KCNIP4: variants seen among roughly 807,000 people sequenced by gnomAD.
The protein encoded by KCNIP4 is potassium voltage-gated channel interacting protein 4, also known as Kv channel-interacting protein 4.
KCNIP4 carries 12 observed loss-of-function variants against 34.0 expected under a neutral mutation model. The ratio of observed to expected loss-of-function variants is 0.35; its 90% confidence interval spans 0.23 to 0.57. KCNIP4 has a LOEUF of 0.57. Among genes scored for constraint, KCNIP4 ranks in the 20% least tolerant of loss-of-function variants. The pLI is 0.83. For missense variants in KCNIP4, 238 were observed against 311.7 expected, an observed-to-expected ratio of 0.76 and a Z score of 1.78; for synonymous variants, 124 against 102.2, an observed-to-expected ratio of 1.21 and a Z score of -1.29.
intron 1 of KCNIP4, among the ~76,000 whole-genome samples, chr4:21,678,797 A>T (rs942393756): frequency 3.3e-5 from 5 of 152,172 alleles, no homozygotes; most frequent in African/African-American, 1.2e-4. Context: ...CCACACTGTT[A>T]TGGACGGAAT....
At chr4:21,558,493 A>AAAATAAATAAATAAATAAAT (rs138894931) in intron 1 of KCNIP4, among the ~76,000 whole-genome samples, 1,507 of 149,080 alleles carry the variant, frequency 0.01, 18 homozygotes, top group Middle Eastern at 0.021. Flanking sequence ...TTCTGTCTCA[A>AAAATAAATAAATAAATAAAT]AAATAAATAA....
At chr4:21,335,639 T>A (rs1341515923) in intron 1 of KCNIP4, among the ~76,000 whole-genome samples, 1 of 152,196 alleles carries the variant, frequency 6.6e-6, no homozygotes, top group African/African-American at 2.4e-5. Context: ...ATTGTTTTAA[T>A]AAACATTTAA....
intron 1 of KCNIP4, among the ~76,000 whole-genome samples, chr4:21,046,622 G>A (rs377140126): frequency 4.6e-4 from 35 of 76,068 alleles, no homozygotes; most frequent in African/African-American, 1.1e-3. Context: ...ATGGAGTTTC[G>A]CTCTTGTTGC....
At chr4:20,967,071 C>T (rs1734423239) in intron 1 of KCNIP4, among the ~76,000 whole-genome samples, 1 of 152,148 alleles carries the variant, frequency 6.6e-6, no homozygotes, top group Admixed American at 6.5e-5. Flanking sequence ...GCTTCTACAA[C>T]TAAGTTCTAG....
intron 1 of KCNIP4, among the ~76,000 whole-genome samples, chr4:21,018,318 T>G (rs1159390435): frequency 6.6e-6 from 1 of 152,224 alleles, no homozygotes; most frequent in Non-Finnish European, 1.5e-5. Flanking sequence ...ATGGTATATA[T>G]TATCTTCCCT....
rs1752648430 is a variant in KCNIP4, at chr4:21,150,008, T to C, written c.62-267299A>G. Among the ~76,000 whole-genome samples the C allele has an allele frequency of 2.0e-5, 3 of 152,304 alleles. No individual in the cohort carries two copies. The South Asian group carries it at 6.2e-4, about 32-fold the overall frequency. On this transcript the variant is annotated intron_variant, in intron 1 of 8. Coordinates refer to ENST00000382152, the MANE Select transcript of KCNIP4 (RefSeq NM_025221.6). ...TGCATTTGTAGTGTTTTGTTTTTATTTGTGGAAATACAAGTTCTATATCTG... is the reference window on the plus strand; with the variant it reads ...TGCATTTGTAGTGTTTTGTTTTTATCTGTGGAAATACAAGTTCTATATCTG...
intron 1 of KCNIP4, among the ~76,000 whole-genome samples, chr4:21,714,786 A>AT (rs72180375): frequency 2.2e-5 from 1 of 46,250 alleles, no homozygotes; most frequent in African/African-American, 1.3e-4. Context: ...TTTCCCTTTG[A>AT]TTATTTTATT....
chr4:21,587,357 C>G (rs1386044974), intron 1 of KCNIP4, among the ~76,000 whole-genome samples: 1 of 151,936 alleles, frequency 6.6e-6, no homozygotes, highest in Admixed American at 6.6e-5. Flanking sequence ...ATAAAAACAC[C>G]ACATAAACCA....
intron 1 of KCNIP4, among the ~76,000 whole-genome samples, chr4:21,470,140 C>T (rs1213747958): frequency 6.6e-6 from 1 of 152,148 alleles, no homozygotes; most frequent in Non-Finnish European, 1.5e-5. Flanking sequence ...GAGCCAGGGC[C>T]TTGACATCGG....
rs527765548 is a variant in KCNIP4, at chr4:21,265,102, T to A, written c.62-382393A>T. Among the ~76,000 whole-genome samples the A allele has an allele frequency of 1.7e-3, 228 of 135,338 alleles. 1 individual carries two copies. Among genetic ancestry groups the A allele is most frequent in the Non-Finnish European group, 2.7e-3 (167 of 61,496 alleles). 88.8% of individuals were successfully genotyped at this position (135,338 alleles called of 152,430 possible). A position where few individuals can be genotyped will look rare whatever the true frequency, so the allele number is the denominator to read the frequency against. ...TGACAGAGCGAGACTCTGCCTCAAA[T>A]AATAATAATAATAATAATAACAACA... On this transcript the variant is annotated intron_variant, in intron 1 of 8. Transcript: ENST00000382152.
chr4:21,624,384 AC>A (rs1745187271), intron 1 of KCNIP4, among the ~76,000 whole-genome samples: 1 of 152,176 alleles, frequency 6.6e-6, no homozygotes, highest in African/African-American at 2.4e-5. Context: ...ATATATTTAT[AC>A]ACTAAGTGAA....
chr4:21,644,288 G>C (rs989731413), intron 1 of KCNIP4, among the ~76,000 whole-genome samples: 2 of 152,040 alleles, frequency 1.3e-5, no homozygotes, highest in African/African-American at 4.8e-5. Context: ...TGGAGGAAAA[G>C]GGTTGGAGAA....
intron 1 of KCNIP4, among the ~76,000 whole-genome samples, chr4:21,031,801 G>A (rs1413787496): frequency 2.6e-5 from 4 of 151,692 alleles, no homozygotes; most frequent in African/African-American, 9.7e-5. Context: ...ACTCTACATC[G>A]CTAGCTTTTT....
chr4:21,926,536 G>T (rs1729255138), intron 1 of KCNIP4, among the ~76,000 whole-genome samples: 1 of 152,156 alleles, frequency 6.6e-6, no homozygotes. Context: ...GGCCTTGTGT[G>T]CCAGTCTCCA....
chr4:21,587,544 AAACAACAAC>A (rs148342637), intron 1 of KCNIP4, among the ~76,000 whole-genome samples: 16 of 150,836 alleles, frequency 1.1e-4, no homozygotes, highest in African/African-American at 3.2e-4. Context: ...TCTTCCCTGC[AAACAACAAC>A]AACAACAACA....
intron 3 of KCNIP4, among the ~76,000 whole-genome samples, chr4:20,844,360 G>A (rs1479634582): frequency 2.0e-5 from 3 of 152,170 alleles, no homozygotes; most frequent in African/African-American, 7.2e-5. Context: ...TAAAGTACAT[G>A]AATAACACTT....
At chr4:21,820,153 C>T (rs887857934) in intron 1 of KCNIP4, among the ~76,000 whole-genome samples, 23 of 151,130 alleles carry the variant, frequency 1.5e-4, no homozygotes, top group African/African-American at 5.6e-4. Context: ...TAGATGTCTC[C>T]TTGAACTTAT....
At chr4:21,463,721 C>G (rs1409492332) in intron 1 of KCNIP4, among the ~76,000 whole-genome samples, 1 of 151,930 alleles carries the variant, frequency 6.6e-6, no homozygotes, top group Non-Finnish European at 1.5e-5. Context: ...ATGCTAGCTC[C>G]TAGAATGGGT....
chr4:21,817,513 G>C (rs879813279), intron 1 of KCNIP4, among the ~76,000 whole-genome samples: 1 of 152,044 alleles, frequency 6.6e-6, no homozygotes, highest in Non-Finnish European at 1.5e-5. Flanking sequence ...CTGCGGGGTC[G>C]GGCAAAAAGA....
Sources: gnomAD v4.1 joint callset for allele counts (sites outside exome capture counted in the v4.1 genomes callset) on GRCh38, gnomAD v4.1.1 for gene constraint, MANE v1.5 for transcripts, NCBI Gene and HGNC (gene_info 2026-07-23, HGNC 2026-07-21) for gene names.